The following ZNF573 variants were observed in gnomAD, a reference collection of about 807,000 sequenced individuals.
The protein encoded by ZNF573 is zinc finger protein 573.
ZNF573 carries 41 observed loss-of-function variants against 57.4 expected under a neutral mutation model. That is an observed-to-expected ratio of 0.71 (90% CI 0.56 to 0.93). ZNF573 has a LOEUF of 0.93. ZNF573 is among the 40% of genes least tolerant of loss of function. ZNF573 has a pLI of 0.00. For synonymous variants in ZNF573, 249 were observed against 261.0 expected, an observed-to-expected ratio of 0.95 and a Z score of 0.44; for missense variants, 730 against 794.8, an observed-to-expected ratio of 0.92 and a Z score of 0.98.
chr19:37,776,969 T>G (rs900433714), intron 1 of ZNF573, among the ~76,000 whole-genome samples: 1 of 152,144 alleles, frequency 6.6e-6, no homozygotes, highest in African/African-American at 2.4e-5. Flanking sequence ...ACCATAATTT[T>G]AAAAAATCAA....
intron 4 of ZNF573, among the ~76,000 whole-genome samples, chr19:37,760,746 T>A (rs1157829435): frequency 6.6e-6 from 1 of 151,312 alleles, no homozygotes; most frequent in African/African-American, 2.4e-5. Flanking sequence ...CACTTGAACC[T>A]GGGAGGCGGA....
At chr19:37,744,408 A>T (rs763442734) in intron 4 of ZNF573, among the ~76,000 whole-genome samples, 1 of 151,164 alleles carries the variant, frequency 6.6e-6, no homozygotes, top group African/African-American at 2.4e-5. Context: ...ACAGAAGGGG[A>T]AAAAAAAAGA....
At chr19:37,776,378 T>G (rs1433334499) in intron 1 of ZNF573, among the ~76,000 whole-genome samples, 1 of 151,864 alleles carries the variant, frequency 6.6e-6, no homozygotes, top group African/African-American at 2.4e-5. Context: ...AAACATAAAG[T>G]GGGGAAAAGA....
Position 37,770,116 on chromosome 19 carries a change from C to A in ZNF573, c.203-19G>T. On this transcript the variant is annotated intron_variant, in intron 3 of 4. Transcript: ENST00000536220. Reference sequence around the variant, plus strand: ...TGTCCTCCTTATAAGAAAAGAAATGCCACATGGTATAAAAATAAAAACAAA... The same window carrying A: ...TGTCCTCCTTATAAGAAAAGAAATGACACATGGTATAAAAATAAAAACAAA... 6.6e-7 allele frequency: 1 copy of A among 1,512,368 alleles called. No individual in the cohort carries two copies. Among genetic ancestry groups the A allele is most frequent in the Non-Finnish European group, 8.9e-7 (1 of 1,123,832 alleles). 93.7% of individuals were successfully genotyped at this position (1,512,368 alleles called of 1,614,324 possible). A position where few individuals can be genotyped will look rare whatever the true frequency, so the allele number is the denominator to read the frequency against.
At chr19:37,756,529 G>C (rs992731425) in intron 4 of ZNF573, among the ~76,000 whole-genome samples, 2 of 152,052 alleles carry the variant, frequency 1.3e-5, no homozygotes, top group Non-Finnish European at 2.9e-5. Flanking sequence ...TATCACTAGA[G>C]GTCTCTGTGG....
intron 4 of ZNF573, among the ~76,000 whole-genome samples, chr19:37,742,124 T>G (rs1370438609): frequency 1.3e-5 from 2 of 152,090 alleles, no homozygotes; most frequent in Non-Finnish European, 2.9e-5. Context: ...ACAAGGGATG[T>G]GAAGGACCTC....
At chr19:37,756,899 A>G (rs1221456200) in intron 4 of ZNF573, among the ~76,000 whole-genome samples, 1 of 152,156 alleles carries the variant, frequency 6.6e-6, no homozygotes, top group South Asian at 2.1e-4. Flanking sequence ...GAGCCAACAA[A>G]TTATCTTCCA....
intron 3 of ZNF573, among the ~76,000 whole-genome samples, chr19:37,770,873 T>TGTATATATATATATATATATATA (rs1599707908): frequency 7.7e-6 from 1 of 129,758 alleles, no homozygotes; most frequent in East Asian, 2.5e-4. Flanking sequence ...TATATATATA[T>TGTATATATATATATATATATATA]TCCCCCTCCC....
chr19:37,766,107 T>C (rs1291400197), intron 4 of ZNF573, among the ~76,000 whole-genome samples: 1 of 152,206 alleles, frequency 6.6e-6, no homozygotes, highest in Non-Finnish European at 1.5e-5. Flanking sequence ...GTATCAGTAG[T>C]TACCAAATAG....
intron 4 of ZNF573, among the ~76,000 whole-genome samples, chr19:37,750,284 T>C (rs1365031083): frequency 1.3e-5 from 2 of 152,114 alleles, no homozygotes; most frequent in Non-Finnish European, 1.5e-5. Flanking sequence ...GGTTTCACCA[T>C]GTTAGCCAGA....
chr19:37,751,013 A>AGT (rs1050965210), intron 4 of ZNF573, among the ~76,000 whole-genome samples: 4 of 151,558 alleles, frequency 2.6e-5, no homozygotes, highest in African/African-American at 9.7e-5. Flanking sequence ...TAAATCAAGC[A>AGT]GTATATAGTA....
chr19:37,762,879 C>T (rs779774505), intron 4 of ZNF573, among the ~76,000 whole-genome samples: 21 of 151,532 alleles, frequency 1.4e-4, no homozygotes, highest in Non-Finnish European at 2.9e-4. Flanking sequence ...TCAAGTGATT[C>T]TCCTGCCTCA....
chr19:37,758,986 AT>A (rs1274285641), intron 4 of ZNF573: 1 of 418,772 alleles, frequency 2.4e-6, no homozygotes, highest in Non-Finnish European at 3.2e-6. Flanking sequence ...ATAATAACTA[AT>A]TATAGGCTGA....
At chr19:37,778,282 G>A (rs1161696229) in intron 1 of ZNF573, among the ~76,000 whole-genome samples, 2 of 149,886 alleles carry the variant, frequency 1.3e-5, no homozygotes, top group Non-Finnish European at 3.0e-5. Context: ...TTGGGAGGCC[G>A]AGGCGGGTGG....
chr19:37,778,557 G>T (rs2045733806), intron 1 of ZNF573: 1 of 151,768 alleles, frequency 6.6e-6, no homozygotes, highest in African/African-American at 2.4e-5. Flanking sequence ...CTACTGGAAA[G>T]AAAGCAGATT....
chr19:37,771,530 C>T (rs771086672), intron 3 of ZNF573, 34 bp downstream of exon 3: 1 of 1,598,474 alleles, frequency 6.3e-7, no homozygotes, highest in South Asian at 1.1e-5. Flanking sequence ...TATCACAGAT[C>T]ACATTTTAAA....
chr19:37,745,118 AG>A (rs2045368585), intron 4 of ZNF573, among the ~76,000 whole-genome samples: 1 of 151,772 alleles, frequency 6.6e-6, no homozygotes, highest in Admixed American at 6.6e-5. Context: ...TCTGTCACTC[AG>A]GCTGGAGTGC....
chr19:37,773,971 C>G (rs1453464974), intron 1 of ZNF573, among the ~76,000 whole-genome samples: 1 of 151,980 alleles, frequency 6.6e-6, no homozygotes, highest in African/African-American at 2.4e-5. Flanking sequence ...CAGATCCAGA[C>G]AAGATAGCAA....
At chr19:37,745,909 A>G (rs555916761) in intron 4 of ZNF573, among the ~76,000 whole-genome samples, 181 of 152,360 alleles carry the variant, frequency 1.2e-3, no homozygotes, top group African/African-American at 4.1e-3. Context: ...CATTTAATCA[A>G]TAAAGATCCA....
Sources: allele counts gnomAD v4.1 joint callset (sites outside exome capture counted in the v4.1 genomes callset), GRCh38; gene constraint gnomAD v4.1.1; transcripts MANE v1.5; gene names NCBI Gene and HGNC (gene_info 2026-07-23, HGNC 2026-07-21).